The following TRUB1 variants were observed in gnomAD, a reference collection of about 807,000 sequenced individuals.
TRUB1 encodes the protein pseudouridylate synthase TRUB1.
In TRUB1, 23 loss-of-function variants were observed where a neutral mutation model predicts 33.9. That is an observed-to-expected ratio of 0.68 (90% confidence interval 0.49 to 0.96). The LOEUF (loss-of-function observed/expected upper bound fraction) is 0.96, where lower values mean the gene tolerates loss of function less well. Among genes scored for constraint, TRUB1 ranks in the 40% least tolerant of loss-of-function variants. The pLI is 0.00. For missense variants in TRUB1, 378 were observed against 422.2 expected (o/e 0.90, Z 0.92); for synonymous variants, 163 against 165.4 (o/e 0.99, Z 0.11).
intron 2 of TRUB1, among the ~76,000 whole-genome samples, chr10:114,944,035 G>T (rs2084201039): frequency 7.7e-6 from 1 of 129,470 alleles, no homozygotes. Flanking sequence ...ACCTGGTAGA[G>T]ATTCTGAAGT....
intron 5 of TRUB1, 40 bp from the exon 6 acceptor site, chr10:114,972,095 C>T (rs770072104): frequency 6.2e-7 from 1 of 1,606,604 alleles, no homozygotes; most frequent in East Asian, 2.2e-5. Flanking sequence ...TCAATTCTTG[C>T]TCTCCTTTCC....
intron 3 of TRUB1, among the ~76,000 whole-genome samples, chr10:114,959,378 C>T (rs181880774): frequency 2.0e-5 from 3 of 152,232 alleles, no homozygotes; most frequent in Admixed American, 6.5e-5. Context: ...GTACCATTCT[C>T]TCTACTCATG....
At chr10:114,942,789 C>A in intron 2 of TRUB1, 46 bp downstream of exon 2, 1 of 1,196,954 alleles carries the variant, frequency 8.4e-7, no homozygotes, top group South Asian at 1.2e-5. Flanking sequence ...CACTTAATAT[C>A]AGAAAGAAAC....
chr10:114,943,258 G>T lies in TRUB1; in HGVS notation c.385+515G>T, dbSNP rs7078046. Among the ~76,000 whole-genome samples, 1,113 of 152,192 alleles carry T rather than the reference G, an allele frequency of 7.3e-3. 18 individuals are homozygous for T. Among genetic ancestry groups the T allele is most frequent in the African/African-American group, 0.026 (1,071 of 41,524 alleles). On this transcript the variant is annotated intron_variant, in intron 2 of 7. Transcript: ENST00000298746. ...TAAAAGCTTTGGGCACTGGGGCCGG[G>T]TGCAGTGGCTCATGCCTGTAATCAG...
Position 114,975,342 on chromosome 10 carries a change from A to G in TRUB1, c.1013A>G (p.Glu338Gly). The change falls in exon 8 of 8, where the codon GAG becomes GGG. Residue 338 changes from glutamate (E) to glycine (G), a missense_variant. Coordinates refer to ENST00000298746, the MANE Select transcript of TRUB1 (RefSeq NM_139169.5). ...VLSCEYITLN[E>G]PKREDDVIKT... Reference sequence around the variant, plus strand: ...AGCTGTGAATATATAACTCTAAATGAGCCAAAGAGAGAAGATGATGTAATT... The same window carrying G: ...AGCTGTGAATATATAACTCTAAATGGGCCAAAGAGAGAAGATGATGTAATT... The G allele has an allele frequency of 1.9e-6, 3 of 1,598,020 alleles. No homozygotes were observed. The highest frequency in any genetic ancestry group is 2.6e-6 in the Non-Finnish European group (3 of 1,171,136).
intron 1 of TRUB1, among the ~76,000 whole-genome samples, chr10:114,941,048 C>T (rs1215242324): frequency 6.6e-6 from 1 of 152,192 alleles, no homozygotes; most frequent in African/African-American, 2.4e-5. Context: ...TGCATTTCCA[C>T]TGTTGCTTTG....
chr10:114,952,458 A>AAGGT (rs71010003), intron 3 of TRUB1, among the ~76,000 whole-genome samples: 2 of 151,500 alleles, frequency 1.3e-5, no homozygotes, highest in Admixed American at 6.6e-5. Context: ...AATAATAAGT[A>AAGGT]AGGTAGGTAG....
chr10:114,951,058 A>G (rs2084233015), intron 2 of TRUB1, 36 bp from the exon 3 acceptor site: 5 of 1,578,892 alleles, frequency 3.2e-6, no homozygotes, highest in Non-Finnish European at 4.3e-6. Flanking sequence ...AGTTTTCAGA[A>G]CAGAGTGTCA....
At chr10:114,972,068 A>G (rs753993716) in intron 5 of TRUB1, 67 bp from the exon 6 acceptor site, 48 of 1,561,178 alleles carry the variant, frequency 3.1e-5, no homozygotes, top group East Asian at 2.1e-4. Flanking sequence ...TCATCTCCCA[A>G]TCCTTCCAAA....
At chr10:114,966,683 A>T (rs148747940) in intron 4 of TRUB1, among the ~76,000 whole-genome samples, 106 of 152,314 alleles carry the variant, frequency 7.0e-4, no homozygotes, top group African/African-American at 2.5e-3. Context: ...TCAGTATCAG[A>T]TCTTTACATC....
intron 2 of TRUB1, among the ~76,000 whole-genome samples, chr10:114,946,642 A>G: frequency 6.6e-6 from 1 of 152,100 alleles, no homozygotes; most frequent in East Asian, 1.9e-4. Context: ...ATGCCCGGCC[A>G]AAAGGTCTTT....
chr10:114,973,253 G>A (rs975549816), intron 6 of TRUB1, among the ~76,000 whole-genome samples: 1 of 152,102 alleles, frequency 6.6e-6, no homozygotes, highest in African/African-American at 2.4e-5. Context: ...TGGAAATGAA[G>A]CAGCTGGTTT....
At chr10:114,967,069 A>G (rs1171385982) in intron 4 of TRUB1, among the ~76,000 whole-genome samples, 2 of 152,216 alleles carry the variant, frequency 1.3e-5, no homozygotes, top group Non-Finnish European at 2.9e-5. Flanking sequence ...GTATGTATGT[A>G]CAGCTTAGAA....
chr10:114,951,168 T>A lies in TRUB1; in HGVS notation c.441+19T>A. On this transcript the variant is annotated intron_variant, in intron 3 of 7. Coordinates refer to ENST00000298746, the MANE Select transcript of TRUB1 (RefSeq NM_139169.5). ...GTCCAAGGTAAGAATACTGAAATAG[T>A]TCTATTTTTCTTTAATGTTCTTAAT... is the stretch of plus-strand genomic sequence containing the variant. 1 of 1,599,238 alleles carries A rather than the reference T, an allele frequency of 6.3e-7. No homozygotes were observed. The highest frequency in any genetic ancestry group is 8.6e-7 in the Non-Finnish European group (1 of 1,169,334).
chr10:114,941,274 TC>T (rs1289964868), intron 1 of TRUB1, among the ~76,000 whole-genome samples: 1 of 152,120 alleles, frequency 6.6e-6, no homozygotes, highest in African/African-American at 2.4e-5. Flanking sequence ...TTTATATTTA[TC>T]CAGAAGGAAG....
intron 1 of TRUB1, among the ~76,000 whole-genome samples, chr10:114,939,925 G>A (rs11196998): frequency 3.3e-5 from 5 of 150,146 alleles, no homozygotes; most frequent in African/African-American, 4.9e-5. Flanking sequence ...CTGCCTCTAA[G>A]AACTGAAGTT....
In TRUB1 at chr10:114,947,373, T is replaced by C. The variant is rs142828406; in HGVS notation, c.386-3721T>C. 4.4e-3 allele frequency among the ~76,000 whole-genome samples: 676 copies of C among 152,264 alleles called. 2 individuals are homozygous for C. Among genetic ancestry groups the C allele is most frequent in the Non-Finnish European group, 4.0e-3 (272 of 68,030 alleles). The stretch of plus-strand genomic sequence containing the variant: ...ATTGGTAATTTGTTAACAGTAGCAA[T>C]AGGAAAGGAATACACCTATTTATCA... On this transcript the variant is annotated intron_variant, in intron 2 of 7. Coordinates refer to ENST00000298746, the MANE Select transcript of TRUB1 (RefSeq NM_139169.5).
rs1472038223 is a variant in TRUB1 at position 114,938,441 on chromosome 10, C to A, written c.188C>A (p.Thr63Asn). Residue 63 changes from threonine to asparagine, a missense_variant, in exon 1 of 8, where the codon ACC (threonine) becomes AAC (asparagine). Physicochemically the swap from Thr to Asn is moderately conservative, Grantham distance 65. Transcript: ENST00000298746. ...AGGGTCTCCAAGGCCGCTTTGGCTA[C>A]CAAGCTGCTGTCCTTGAGCGGCGTG... ...EARVSKAALA[T>N]KLLSLSGVFA... is the part of the protein sequence containing the mutation. 6.3e-6 allele frequency: 10 copies of A among 1,596,480 alleles called. No individual in the cohort carries two copies. The highest frequency in any genetic ancestry group is 8.5e-6 in the Non-Finnish European group (10 of 1,171,600).
intron 2 of TRUB1, among the ~76,000 whole-genome samples, chr10:114,947,180 C>CA (rs201535527): frequency 0.012 from 1,606 of 135,768 alleles, 8 homozygotes; most frequent in Non-Finnish European, 0.018. Context: ...CTGGAGGAGG[C>CA]AAAAAAAAAA....
Sources: gnomAD v4.1 joint callset for allele counts (sites outside exome capture counted in the v4.1 genomes callset) on GRCh38, gnomAD v4.1.1 for gene constraint, MANE v1.5 for transcripts, NCBI Gene and HGNC (gene_info 2026-07-23, HGNC 2026-07-21) for gene names.